NHERF4: variants seen among roughly 807,000 people sequenced by gnomAD.
The protein encoded by NHERF4 is NHERF family PDZ scaffold protein 4.
the NHERF4 span, chr11:119,188,859 A>C: frequency 6.2e-7 from 1 of 1,613,958 alleles, no homozygotes; most frequent in Non-Finnish European, 8.5e-7. Flanking sequence ...TCGTCTCTTC[A>C]TCTCCCAGGT....
the NHERF4 span, chr11:119,186,444 C>T: frequency 6.2e-7 from 1 of 1,610,648 alleles, no homozygotes; most frequent in Non-Finnish European, 8.5e-7. This position sits in a 1 kb window ranked among gnomAD's most constrained non-coding sequence, Gnocchi z 4.4. Flanking sequence ...TGTGCCCTCT[C>T]CTCCCCCTTT....
chr11:119,188,472 C>T, the NHERF4 span: 2 of 1,611,270 alleles, frequency 1.2e-6, no homozygotes, highest in Non-Finnish European at 1.7e-6. Flanking sequence ...CATGAGGAGA[C>T]AGTGTCCAGG....
At chr11:119,185,702 A>G in the NHERF4 span, 4 of 773,528 alleles carry the variant, frequency 5.2e-6, no homozygotes, top group African/African-American at 3.4e-5. Flanking sequence ...TGATATGCTC[A>G]GATTTATGTG....
At chr11:119,185,909 C>A in the NHERF4 span, 1 of 1,614,136 alleles carries the variant, frequency 6.2e-7, no homozygotes, top group South Asian at 1.1e-5. Flanking sequence ...CTCTCACCCA[C>A]TTCTTTGCCC....
chr11:119,189,111 A>G, the NHERF4 span: 1 of 1,614,060 alleles, frequency 6.2e-7, no homozygotes. This position sits in a 1 kb window ranked among gnomAD's most constrained non-coding sequence, Gnocchi z 5.8. Flanking sequence ...GAGAGGCTTC[A>G]GCAGCTGCCT....
chr11:119,188,170 GGGGAAGGT>G, the NHERF4 span: 2 of 1,519,672 alleles, frequency 1.3e-6, no homozygotes, highest in Non-Finnish European at 1.8e-6. Context: ...GGGGGCGGTG[GGGGAAGGT>G]GGGCCTTGGG....
At chr11:119,186,339 G>A in the NHERF4 span, 4 of 1,560,050 alleles carry the variant, frequency 2.6e-6, no homozygotes, top group African/African-American at 1.4e-5. The surrounding 1 kb of genome is among the most constrained non-coding windows in gnomAD (Gnocchi z 4.4). Context: ...CTCTGCCCAC[G>A]AACCCCACCA....
chr11:119,189,305 G>T, the NHERF4 span: 6 of 1,487,520 alleles, frequency 4.0e-6, no homozygotes, highest in Non-Finnish European at 4.6e-6. This position sits in a 1 kb window ranked among gnomAD's most constrained non-coding sequence, Gnocchi z 5.8. Context: ...GAAGCCGTGT[G>T]GGGTATGCAG....
chr11:119,187,173 G>A, the NHERF4 span: 18 of 847,268 alleles, frequency 2.1e-5, no homozygotes, highest in South Asian at 9.7e-5. Context: ...AAGAAAAAAA[G>A]CCGATTCCCT....
the NHERF4 span, chr11:119,186,165 G>A: frequency 6.2e-7 from 1 of 1,614,080 alleles, no homozygotes; most frequent in South Asian, 1.1e-5. This position sits in a 1 kb window ranked among gnomAD's most constrained non-coding sequence, Gnocchi z 4.4. Context: ...CGACCCCTAT[G>A]GTAACTCCCT....
At chr11:119,186,139 C>T in the NHERF4 span, 1 of 1,614,148 alleles carries the variant, frequency 6.2e-7, no homozygotes. The surrounding 1 kb of genome is among the most constrained non-coding windows in gnomAD (Gnocchi z 4.4). Context: ...CCTGTCCTCT[C>T]CCTGGCCGAA....
chr11:119,185,972 G>T, the NHERF4 span: 11 of 1,614,086 alleles, frequency 6.8e-6, no homozygotes, highest in Non-Finnish European at 9.3e-6. Flanking sequence ...ACGAGGGTTG[G>T]GGCAAGGGGA....
At chr11:119,185,906 C>T in the NHERF4 span, 1 of 1,614,076 alleles carries the variant, frequency 6.2e-7, no homozygotes. Flanking sequence ...CTCCTCTCAC[C>T]CACTTCTTTG....
chr11:119,187,846 T>C, the NHERF4 span: 1 of 1,464,758 alleles, frequency 6.8e-7, no homozygotes, highest in Non-Finnish European at 9.0e-7. Context: ...TGTGCCAGGC[T>C]CCACTTAGTG....
chr11:119,186,827 G>A, the NHERF4 span: 1 of 897,084 alleles, frequency 1.1e-6, no homozygotes, highest in East Asian at 2.7e-5. The surrounding 1 kb of genome is among the most constrained non-coding windows in gnomAD (Gnocchi z 4.4). Flanking sequence ...AAGTCAGAGG[G>A]GTAGGGAAAG....
the NHERF4 span, chr11:119,188,571 G>A: frequency 6.2e-7 from 1 of 1,604,058 alleles, no homozygotes; most frequent in Non-Finnish European, 8.5e-7. Context: ...GAGGGGCAGG[G>A]GCTAGGGTTG....
the NHERF4 span, chr11:119,189,301 G>A: frequency 3.1e-5 from 46 of 1,489,874 alleles, 2 homozygotes; most frequent in Middle Eastern, 3.4e-4. This position sits in a 1 kb window ranked among gnomAD's most constrained non-coding sequence, Gnocchi z 5.8. Context: ...AGGTGAAGCC[G>A]TGTGGGGTAT....
chr11:119,189,604 C>A, the NHERF4 span: 3 of 1,234,880 alleles, frequency 2.4e-6, no homozygotes, highest in South Asian at 1.2e-5. This position sits in a 1 kb window ranked among gnomAD's most constrained non-coding sequence, Gnocchi z 5.8. Context: ...GACTCAGACA[C>A]CACCGATCAC....
At chr11:119,189,469 G>C in the NHERF4 span, 1 of 1,614,040 alleles carries the variant, frequency 6.2e-7, no homozygotes, top group East Asian at 2.2e-5. This position sits in a 1 kb window ranked among gnomAD's most constrained non-coding sequence, Gnocchi z 5.8. Context: ...ATAGGACTGG[G>C]CTCTGGCCTC....
Sources: allele counts gnomAD v4.1 joint callset, GRCh38; gene constraint gnomAD v4.1.1; non-coding constraint Gnocchi (gnomAD v3.1); transcripts MANE v1.5; gene names NCBI Gene and HGNC (gene_info 2026-07-23, HGNC 2026-07-21).